The following ALK variants were observed in gnomAD, a reference collection of about 807,000 sequenced individuals.
ALK encodes the protein ALK receptor tyrosine kinase.
In ALK, 74 loss-of-function variants were observed where a neutral mutation model predicts 163.1. That is an observed-to-expected ratio of 0.45 (90% CI 0.38 to 0.55). ALK has a LOEUF of 0.55. Among genes scored for constraint, ALK ranks in the 20% least tolerant of loss-of-function variants. The pLI is 0.00. For synonymous variants in ALK, 960 were observed against 843.2 expected (o/e 1.14, Z -2.40); for missense variants, 2,063 against 2,105.3 (o/e 0.98, Z 0.39).
intron 3 of ALK, among the ~76,000 whole-genome samples, chr2:29,617,944 C>T (rs1247675959): frequency 6.6e-6 from 1 of 152,212 alleles, no homozygotes; most frequent in Non-Finnish European, 1.5e-5. Context: ...GATGACTCTT[C>T]TAGCACCACC....
rs538391636 is a variant in ALK, at chr2:29,205,409, A to AAAAAACAAAACCAACCAACC, written c.3938+1742_3938+1761dup. On this transcript the variant is annotated intron_variant, in intron 26 of 28. Transcript: ENST00000389048. ...AGCTGTAATTTTCTGTGACTGTTGT[A>AAAAAACAAAACCAACCAACC]AAAAACAAAACCAACCAACCAACCA... 3.5e-3 allele frequency among the ~76,000 whole-genome samples: 540 copies of AAAAAACAAAACCAACCAACC among 152,282 alleles called. 7 individuals carry two copies. Among genetic ancestry groups the AAAAAACAAAACCAACCAACC allele is most frequent in the African/African-American group, 0.012 (495 of 41,544 alleles).
At chr2:29,817,681 C>T (rs1664935258) in intron 1 of ALK, among the ~76,000 whole-genome samples, 1 of 152,174 alleles carries the variant, frequency 6.6e-6, no homozygotes, top group African/African-American at 2.4e-5. Context: ...CTCCCTTCCT[C>T]CATTCCTCTC....
At chr2:29,792,561 AT>A in intron 1 of ALK, among the ~76,000 whole-genome samples, 1 of 152,186 alleles carries the variant, frequency 6.6e-6, no homozygotes, top group African/African-American at 2.4e-5. Flanking sequence ...ATAAGACAGG[AT>A]TTTCTAAGAT....
intron 4 of ALK, among the ~76,000 whole-genome samples, chr2:29,484,405 C>T (rs1180322121): frequency 2.6e-5 from 4 of 151,928 alleles, no homozygotes; most frequent in African/African-American, 9.7e-5. Flanking sequence ...GGATCTGGGT[C>T]CTAGCATTTT....
At chr2:29,483,272 C>CA (rs1671705564) in intron 4 of ALK, among the ~76,000 whole-genome samples, 2 of 152,282 alleles carry the variant, frequency 1.3e-5, no homozygotes, top group African/African-American at 2.4e-5. Context: ...GAGGAGCTTT[C>CA]AAAAAACACC....
At chr2:29,824,349 C>T (rs547867981) in intron 1 of ALK, among the ~76,000 whole-genome samples, 1 of 152,322 alleles carries the variant, frequency 6.6e-6, no homozygotes, top group Non-Finnish European at 1.5e-5. Flanking sequence ...TACTGGGGCA[C>T]CACCTAGTGG....
At chr2:29,560,694 G>A (rs978693675) in intron 3 of ALK, among the ~76,000 whole-genome samples, 23 of 151,732 alleles carry the variant, frequency 1.5e-4, no homozygotes, top group South Asian at 4.2e-4. Context: ...ACCTCAGCCC[G>A]TTGAGTAGCT....
At chr2:29,240,280 A>C (rs905716312) in intron 12 of ALK, among the ~76,000 whole-genome samples, 1 of 152,096 alleles carries the variant, frequency 6.6e-6, no homozygotes. Flanking sequence ...CAATGGACTC[A>C]TGTGACCTTA....
At chr2:29,259,242 T>C (rs1341099542) in intron 11 of ALK, among the ~76,000 whole-genome samples, 1 of 152,200 alleles carries the variant, frequency 6.6e-6, no homozygotes, top group Non-Finnish European at 1.5e-5. Flanking sequence ...CCATAATTAA[T>C]ATAAAAATTG....
At chr2:29,857,001 C>T (rs560653331) in intron 1 of ALK, among the ~76,000 whole-genome samples, 2 of 152,164 alleles carry the variant, frequency 1.3e-5, no homozygotes, top group South Asian at 2.1e-4. Flanking sequence ...TACAGGACCA[C>T]GGGGGTGGGA....
At chr2:29,728,294 T>G (rs1162588863) in intron 1 of ALK, among the ~76,000 whole-genome samples, 1 of 152,228 alleles carries the variant, frequency 6.6e-6, no homozygotes, top group Non-Finnish European at 1.5e-5. Context: ...AGAGGTTGAG[T>G]AACTTGTCCA....
At chr2:29,682,732 G>A (rs1247527828) in intron 3 of ALK, among the ~76,000 whole-genome samples, 1 of 152,202 alleles carries the variant, frequency 6.6e-6, no homozygotes, top group Non-Finnish European at 1.5e-5. Flanking sequence ...CTACTTTAGT[G>A]TCATGGCAAT....
chr2:29,240,159 A>AGG (rs1484223523), intron 12 of ALK, among the ~76,000 whole-genome samples: 28 of 134,742 alleles, frequency 2.1e-4, no homozygotes, highest in African/African-American at 1.0e-3. Context: ...CAGCAGAGAG[A>AGG]GAGAGAGAGA....
At chr2:29,294,648 T>C (rs1666128090) in intron 9 of ALK, among the ~76,000 whole-genome samples, 1 of 152,212 alleles carries the variant, frequency 6.6e-6, no homozygotes, top group African/African-American at 2.4e-5. Context: ...GAAAATAAAA[T>C]CTATTAATAC....
intron 3 of ALK, among the ~76,000 whole-genome samples, chr2:29,632,434 G>T (rs529531285): frequency 6.6e-6 from 1 of 152,102 alleles, no homozygotes; most frequent in Non-Finnish European, 1.5e-5. Context: ...AAATTTAAGA[G>T]ATAAGATTAA....
chr2:29,862,950 A>G (rs555891213), intron 1 of ALK, among the ~76,000 whole-genome samples: 107 of 152,302 alleles, frequency 7.0e-4, no homozygotes, highest in African/African-American at 2.5e-3. Flanking sequence ...AGAGCCCAGA[A>G]ATAAATCCAC....
intron 1 of ALK, among the ~76,000 whole-genome samples, chr2:29,782,171 A>T (rs929940763): frequency 6.6e-6 from 1 of 152,200 alleles, no homozygotes; most frequent in African/African-American, 2.4e-5. Context: ...AAGAGTCTTA[A>T]GTAAGAGATT....
chr2:29,787,102 G>A (rs913719539), intron 1 of ALK, among the ~76,000 whole-genome samples: 2 of 152,148 alleles, frequency 1.3e-5, no homozygotes, highest in Non-Finnish European at 2.9e-5. Flanking sequence ...GCCTTCCCTG[G>A]GAGTTTTTTG....
intron 3 of ALK, among the ~76,000 whole-genome samples, chr2:29,662,764 G>A (rs1031721937): frequency 2.6e-5 from 4 of 151,914 alleles, no homozygotes; most frequent in Admixed American, 1.3e-4. Context: ...TGACCTACAC[G>A]TGAAGGCATT....
Sources: allele counts gnomAD v4.1 joint callset (sites outside exome capture counted in the v4.1 genomes callset), GRCh38; gene constraint gnomAD v4.1.1; transcripts MANE v1.5; gene names NCBI Gene and HGNC (gene_info 2026-07-23, HGNC 2026-07-21).